Variants in TSKS observed in about 807,000 individuals in gnomAD.
The protein encoded by TSKS is testis specific serine kinase substrate, also known as testis-specific serine kinase substrate.
In TSKS, 27 loss-of-function variants were observed where a neutral mutation model predicts 68.0. The ratio of observed to expected loss-of-function variants is 0.40; its 90% CI spans 0.29 to 0.55. TSKS has a LOEUF of 0.55. TSKS is among the 20% of genes least tolerant of loss of function. TSKS has a pLI of 0.53. For synonymous variants in TSKS, 331 were observed against 340.4 expected (o/e 0.97, Z 0.30); for missense variants, 806 against 776.0 (o/e 1.04, Z -0.46).
chr19:49,746,370 C>A lies in TSKS; in HGVS notation c.992+100G>T, dbSNP rs370176797. The A allele has an allele frequency of 1.8e-5, 25 of 1,411,586 alleles. No individual in the cohort carries two copies. The African/African-American group carries it at 3.1e-4, about 18-fold the overall frequency. 87.4% of individuals were successfully genotyped at this position (1,411,586 alleles called of 1,614,324 possible). On this transcript the variant is annotated intron_variant, in intron 6 of 10. Transcript: ENST00000246801. ...ACCGCCCACCTCAGCTACTTGAGAA[C>A]CCCCGTCCCTTGGGTCCCGCCCACC...
intron 2 of TSKS, among the ~76,000 whole-genome samples, chr19:49,754,479 A>T (rs144212152): frequency 1.3e-5 from 2 of 151,822 alleles, no homozygotes; most frequent in Non-Finnish European, 2.9e-5. Context: ...AGCCCGGGTG[A>T]TAGAGTGAGA....
intron 2 of TSKS, among the ~76,000 whole-genome samples, chr19:49,754,498 C>CA (rs928734267): frequency 4.1e-5 from 6 of 148,032 alleles, no homozygotes; most frequent in Admixed American, 2.7e-4. Context: ...GACTCCATCT[C>CA]AAAAAAAATA....
intron 2 of TSKS, among the ~76,000 whole-genome samples, chr19:49,750,560 C>A (rs905715426): frequency 1.3e-5 from 2 of 151,948 alleles, no homozygotes; most frequent in African/African-American, 4.8e-5. Flanking sequence ...CCCGGCCTAT[C>A]ATTGACATTC....
chr19:49,755,811 G>A (rs564578623), intron 2 of TSKS, among the ~76,000 whole-genome samples: 1 of 152,248 alleles, frequency 6.6e-6, no homozygotes, highest in South Asian at 2.1e-4. Flanking sequence ...AACCAGCCTG[G>A]CCAAGATGGT....
Position 49,739,769 on chromosome 19 carries a change from AGGCCATTTATTGTTCAGGGGCTGAG to A in TSKS, c.1761_*6del. On this transcript the variant is annotated stop_lost and 3_prime_UTR_variant, in exon 11 of 11. Coordinates refer to ENST00000246801, the MANE Select transcript of TSKS (RefSeq NM_021733.2). ...CAGACAGAATTCATGCTAGCATGAG[AGGCCATTTATTGTTCAGGGGCTGAG>A]CCCCCCTGTTTTGGGGGGGTTCCTG... 1 of 1,201,764 alleles carries A rather than the reference AGGCCATTTATTGTTCAGGGGCTGAG, an allele frequency of 8.3e-7. No homozygotes were observed. The highest frequency in any genetic ancestry group is 1.2e-6 in the Non-Finnish European group (1 of 817,444). The allele number at this position is 1,201,764 out of a possible 1,614,324, so 74.4% of individuals were successfully genotyped here.
At chr19:49,755,220 G>A (rs1346263466) in intron 2 of TSKS, among the ~76,000 whole-genome samples, 1 of 152,124 alleles carries the variant, frequency 6.6e-6, no homozygotes, top group African/African-American at 2.4e-5. Context: ...TCCAGCCTGA[G>A]AAACATGAAA....
rs1404740104 is a variant in TSKS at position 49,742,014 on chromosome 19, C to A, written c.1368G>T (p.Gly456=). 3 of 1,613,970 alleles carry A rather than the reference C, an allele frequency of 1.9e-6. No homozygotes were observed. Among genetic ancestry groups the A allele is most frequent in the Non-Finnish European group, 2.5e-6 (3 of 1,180,002 alleles). The part of the protein sequence containing the change: ...QGNCARCASQ[G]SQLSTESLQQ... ...GCAGGGACTCCGTAGACAACTGCGA[C>A]CCCTGGCTGGGGGAGGGGCGGTCAC... The change falls in exon 9 of 11, where the codon GGG becomes GGT. Residue 456 remains glycine (G), a synonymous_variant. Coordinates refer to ENST00000246801, the MANE Select transcript of TSKS (RefSeq NM_021733.2).
Position 49,763,256 on chromosome 19 carries a change from G to C in TSKS, c.-9C>G. 1.3e-6 allele frequency: 2 copies of C among 1,482,118 alleles called. No individual in the cohort carries two copies. The highest frequency in any genetic ancestry group is 2.2e-4 in the Middle Eastern group (1 of 4,552). The allele number at this position is 1,482,118 out of a possible 1,614,324, so 91.8% of individuals were successfully genotyped here. A position where few individuals can be genotyped will look rare whatever the true frequency, so the allele number is the denominator to read the frequency against. On this transcript the variant is annotated 5_prime_UTR_variant, in exon 1 of 11. Coordinates refer to ENST00000246801, the MANE Select transcript of TSKS (RefSeq NM_021733.2). The surrounding 1 kb of genome is among the most constrained non-coding windows in gnomAD (Gnocchi z 4.5). ...ACCACCACGCTCGCCATGGTGTGGG[G>C]GTCTGGCTCCCAGGGAGGGGCTCCT...
At chr19:49,751,632 A>G (rs370774860) in intron 2 of TSKS, among the ~76,000 whole-genome samples, 1 of 152,146 alleles carries the variant, frequency 6.6e-6, no homozygotes, top group South Asian at 2.1e-4. Flanking sequence ...GAGTCATTCT[A>G]TGATTGTTAA....
At chr19:49,761,726 G>A (rs1294022681) in intron 2 of TSKS, among the ~76,000 whole-genome samples, 1 of 152,162 alleles carries the variant, frequency 6.6e-6, no homozygotes, top group Non-Finnish European at 1.5e-5. Context: ...CACTGTGGGA[G>A]GCCGAGGTGG....
At chr19:49,747,034 C>T (rs1256050185) in intron 5 of TSKS, 9 of 1,286,150 alleles carry the variant, frequency 7.0e-6, no homozygotes, top group Admixed American at 2.4e-5. Context: ...CCCGGCCCTC[C>T]AAGCCCTCCA....
In TSKS at chr19:49,747,400, C is replaced by T; in HGVS notation, c.652G>A (p.Ala218Thr). 1.2e-6 allele frequency: 2 copies of T among 1,614,212 alleles called. No homozygotes were observed. The highest frequency in any genetic ancestry group is 1.7e-6 in the Non-Finnish European group (2 of 1,180,040). The change falls in exon 5 of 11, where the codon GCC becomes ACC. Residue 218 changes from alanine (A) to threonine (T), a missense_variant. Coordinates refer to ENST00000246801, the MANE Select transcript of TSKS (RefSeq NM_021733.2). Reference protein sequence around the residue: ...IKTNVLKQNSALLEEKLRYLQ... With the variant: ...IKTNVLKQNSTLLEEKLRYLQ... ...CCCCTAGCCCTTACCTCCAGCAGGG[C>T]AGAATTCTGCTTCAAGACGTTGGTT...
chr19:49,740,221 A>C, intron 9 of TSKS, 38 bp from the exon 10 acceptor site: 2 of 1,591,826 alleles, frequency 1.3e-6, no homozygotes, highest in Non-Finnish European at 1.7e-6. Flanking sequence ...GGCTTGCTGG[A>C]CTGGGCTGGG....
chr19:49,740,141 C>T lies in TSKS; in HGVS notation c.1540G>A (p.Ala514Thr). ...GCCAGCCGAAGGGTGGAGCTCAGGG[C>T]CTCTGCCCTGACGTGTTTGGCTAAG... ...QALAKHVRAE[A>T]LSSTLRLAQD... Residue 514 changes from alanine to threonine, a missense_variant, in exon 10 of 11, where the codon GCC becomes ACC. Transcript: ENST00000246801. The T allele has an allele frequency of 6.2e-7, 1 of 1,614,118 alleles. No homozygotes were observed. The highest frequency in any genetic ancestry group is 8.5e-7 in the Non-Finnish European group (1 of 1,180,032).
At chr19:49,757,592 G>A (rs1310615587) in intron 2 of TSKS, among the ~76,000 whole-genome samples, 1 of 152,080 alleles carries the variant, frequency 6.6e-6, no homozygotes, top group African/African-American at 2.4e-5. Context: ...CCCTACCTGT[G>A]AAATGGAGAT....
Position 49,746,678 on chromosome 19 carries a change from GCTT to G in TSKS, c.781_783del (p.Lys261del), listed in dbSNP as rs1382025395. The G allele has an allele frequency of 9.2e-6, 12 of 1,297,318 alleles. No individual in the cohort carries two copies. The highest frequency in any genetic ancestry group is 1.2e-5 in the Non-Finnish European group (12 of 968,172). 80.4% of individuals were successfully genotyped at this position (1,297,318 alleles called of 1,614,324 possible). ...CAGGAGAGGCCAGCCTCCGGCTTCT[GCTT>G]CTCCTCCGGCTCCTGCTTCTCCTCC... is the stretch of plus-strand genomic sequence containing the variant. On this transcript the variant is annotated inframe_deletion, in exon 6 of 11. Coordinates refer to ENST00000246801, the MANE Select transcript of TSKS (RefSeq NM_021733.2).
chr19:49,746,716 T>C lies in TSKS; in HGVS notation c.746A>G (p.Lys249Arg). The C allele has an allele frequency of 7.1e-7, 1 of 1,409,824 alleles. No homozygotes were observed. Among genetic ancestry groups the C allele is most frequent in the Non-Finnish European group, 9.7e-7 (1 of 1,034,652 alleles). The allele number at this position is 1,409,824 out of a possible 1,614,324, so 87.3% of individuals were successfully genotyped here. A position where few individuals can be genotyped will look rare whatever the true frequency, so the allele number is the denominator to read the frequency against. The change falls in exon 6 of 11, where the codon AAG becomes AGG. Residue 249 changes from lysine to arginine, a missense_variant. Coordinates refer to ENST00000246801, the MANE Select transcript of TSKS (RefSeq NM_021733.2). ...CTCCTGCTTCTCCTCCGGCTCCTGC[T>C]TCTCCTCCGGCTCCTGCAGCTCGGC... ...QEAELQEPEE[K>R]QEPEEKQEPE...
chr19:49,757,555 G>A (rs2084401911), intron 2 of TSKS, among the ~76,000 whole-genome samples: 1 of 152,150 alleles, frequency 6.6e-6, no homozygotes, highest in Non-Finnish European at 1.5e-5. Flanking sequence ...CTCATGGAGA[G>A]GACTTCACCT....
At position 49,746,544 on chromosome 19, in the gene TSKS, C is replaced by T. The variant is rs185210360; in HGVS notation, c.918G>A (p.Gly306=). The change falls in exon 6 of 11, where the codon GGG becomes GGA. Residue 306 remains glycine, a synonymous_variant. Coordinates refer to ENST00000246801, the MANE Select transcript of TSKS (RefSeq NM_021733.2). ...CGTAGGGGCCCTCGCCAGCCCGAGGCCCCATTCCCCAGCCTGCGGGGACCA... is the reference window on the plus strand; with the variant it reads ...CGTAGGGGCCCTCGCCAGCCCGAGGTCCCATTCCCCAGCCTGCGGGGACCA... ...HGLVPAGWGM[G]PRAGEGPYVS... is the part of the protein sequence containing the mutation. 27 of 1,613,612 alleles carry T rather than the reference C, an allele frequency of 1.7e-5. No homozygotes were observed. The Admixed American group carries it at 2.8e-4, about 17-fold the overall frequency.
Sources: allele counts gnomAD v4.1 joint callset (sites outside exome capture counted in the v4.1 genomes callset), GRCh38; gene constraint gnomAD v4.1.1; non-coding constraint Gnocchi (gnomAD v3.1); transcripts MANE v1.5; gene names NCBI Gene and HGNC (gene_info 2026-07-23, HGNC 2026-07-21).